Variants in PI4KA observed in about 807,000 individuals in gnomAD.
PI4KA encodes phosphatidylinositol 4-kinase alpha, also known as PI4-kinase alpha.
A neutral mutation model predicts 271.4 loss-of-function variants in PI4KA; 122 were observed. That is an observed-to-expected ratio of 0.45 (90% CI 0.39 to 0.52). The LOEUF (loss-of-function observed/expected upper bound fraction) is 0.52. Ranked by LOEUF, PI4KA falls within the 20% of genes least tolerant of loss-of-function variation. The pLI is 0.00. For synonymous variants in PI4KA, 1,041 were observed against 1,078.8 expected, an observed-to-expected ratio of 0.96 and a Z score of 0.69; for missense variants, 1,969 against 2,769.1, an observed-to-expected ratio of 0.71 and a Z score of 6.48.
chr22:20,814,226 G>C (rs770651073), intron 7 of PI4KA, among the ~76,000 whole-genome samples: 16 of 152,074 alleles, frequency 1.1e-4, no homozygotes, highest in Non-Finnish European at 1.9e-4. Flanking sequence ...GAGCAACTAA[G>C]TGAAATACAC....
At chr22:20,720,814 G>T (rs1461285207) in intron 43 of PI4KA, among the ~76,000 whole-genome samples, 1 of 152,208 alleles carries the variant, frequency 6.6e-6, no homozygotes, top group African/African-American at 2.4e-5. Context: ...ATATTAACAT[G>T]TAATGAATGG....
intron 3 of PI4KA, among the ~76,000 whole-genome samples, chr22:20,829,462 G>A (rs1340698582): frequency 6.6e-6 from 1 of 151,750 alleles, no homozygotes; most frequent in Non-Finnish European, 1.5e-5. Context: ...TGTCTCTCTG[G>A]GTTGGGTTTT....
intron 22 of PI4KA, among the ~76,000 whole-genome samples, chr22:20,763,462 C>T (rs1487136007): frequency 1.3e-5 from 2 of 148,406 alleles, no homozygotes; most frequent in South Asian, 2.1e-4. Context: ...TTTTTTGAGA[C>T]GGAGTCTCGC....
At chr22:20,827,603 T>C (rs1923588589) in intron 3 of PI4KA, among the ~76,000 whole-genome samples, 2 of 152,204 alleles carry the variant, frequency 1.3e-5, no homozygotes, top group Non-Finnish European at 2.9e-5. Context: ...ATTGGTAGTT[T>C]GATAGGAATA....
At chr22:20,846,188 C>T (rs542819100) in intron 1 of PI4KA, among the ~76,000 whole-genome samples, 1 of 143,222 alleles carries the variant, frequency 7.0e-6, no homozygotes, top group Non-Finnish European at 1.5e-5. Context: ...GGCATGAACC[C>T]GGGAGGCAGA....
At position 20,742,954 on chromosome 22, in the gene PI4KA, A is replaced by C. The variant is rs560487438; in HGVS notation, c.3457-190T>G. ...CTGATCACAGCTTTTTTTTTTTTTAAAGAACAGCTCCTCTAGAAATGCATG... is the reference window on the plus strand; with the variant it reads ...CTGATCACAGCTTTTTTTTTTTTTACAGAACAGCTCCTCTAGAAATGCATG... On this transcript the variant is annotated intron_variant, in intron 30 of 54. Transcript: ENST00000255882. 46 of 576,044 alleles carry C rather than the reference A, an allele frequency of 8.0e-5. No individual in the cohort carries two copies. The African/African-American group carries it at 8.3e-4, about 10-fold the overall frequency. 35.7% of individuals were successfully genotyped at this position (576,044 alleles called of 1,614,324 possible).
At chr22:20,758,723 T>C (rs1043455160) in intron 23 of PI4KA, among the ~76,000 whole-genome samples, 5 of 152,120 alleles carry the variant, frequency 3.3e-5, no homozygotes, top group African/African-American at 1.2e-4. Context: ...GGCATGTGTG[T>C]GAGACTCTCT....
intron 43 of PI4KA, among the ~76,000 whole-genome samples, chr22:20,720,019 C>CT (rs1764951908): frequency 9.4e-6 from 1 of 106,824 alleles, no homozygotes; most frequent in South Asian, 3.2e-4. Context: ...AATCAAGACT[C>CT]TGTCTCAAAA....
chr22:20,755,073 G>A (rs559011280), intron 23 of PI4KA, among the ~76,000 whole-genome samples: 37 of 152,332 alleles, frequency 2.4e-4, no homozygotes, highest in African/African-American at 8.4e-4. Flanking sequence ...ACAGGCATGA[G>A]CCACCGTGCC....
In PI4KA at chr22:20,785,633, T is replaced by C. The variant is rs528314030; in HGVS notation, c.2328+7560A>G. ...CTTTTTAAAAGTACACTACCAGATA[T>C]TCGACTCCTTAATTACAAAAAAAAA... On this transcript the variant is annotated intron_variant, in intron 19 of 54. Transcript: ENST00000255882. 4.6e-5 allele frequency among the ~76,000 whole-genome samples: 7 copies of C among 152,290 alleles called. No homozygotes were observed. In the South Asian group the frequency reaches 6.2e-4, roughly 14 times the overall value.
At chr22:20,725,695 G>A (rs1927263558) in intron 42 of PI4KA, 1 of 326,412 alleles carries the variant, frequency 3.1e-6, no homozygotes, top group Middle Eastern at 4.8e-4. Context: ...AGGAGTTTGA[G>A]ACCAGCCTGG....
chr22:20,721,509 AC>A, intron 42 of PI4KA, 91 bp from the exon 43 acceptor site: 2 of 1,431,420 alleles, frequency 1.4e-6, no homozygotes, highest in Non-Finnish European at 2.0e-6. Flanking sequence ...CATTTGGTAG[AC>A]CAGGCAAGGG....
intron 19 of PI4KA, chr22:20,785,902 T>C: frequency 6.7e-7 from 1 of 1,502,540 alleles, no homozygotes; most frequent in Non-Finnish European, 9.2e-7. Flanking sequence ...GCTATATCAA[T>C]TCTGTGATAA....
chr22:20,729,262 C>T lies in PI4KA; in HGVS notation c.4682+51G>A, dbSNP rs192711105. On this transcript the variant is annotated intron_variant, in intron 39 of 54. Transcript: ENST00000255882. ...CATGACCCAGCTGGCAAGCACCCTG[C>T]GCTGGACCTCTGGTGAGGCCTGTGT... The T allele has an allele frequency of 1.3e-4, 201 of 1,530,048 alleles. No individual in the cohort carries two copies. In the African/African-American group the frequency reaches 1.7e-3, roughly 13 times the overall value. 94.8% of individuals were successfully genotyped at this position (1,530,048 alleles called of 1,614,324 possible). A position where few individuals can be genotyped will look rare whatever the true frequency, so the allele number is the denominator to read the frequency against.
At chr22:20,759,706 CAGGCG>C (rs1931755936) in intron 23 of PI4KA, among the ~76,000 whole-genome samples, 2 of 152,176 alleles carry the variant, frequency 1.3e-5, no homozygotes, top group Admixed American at 1.3e-4. Context: ...GCTGGGACTA[CAGGCG>C]CAGGCCACCA....
In PI4KA at chr22:20,858,751, G is replaced by T; in HGVS notation, c.-26C>A. On this transcript the variant is annotated 5_prime_UTR_variant, in exon 1 of 55. Transcript: ENST00000255882. ...CACCTCACGAGCCGCGGCGCTGCCC[G>T]CCGGCTCCCCGCTCCTGGCCCGCGA... 7.3e-7 allele frequency: 1 copy of T among 1,366,512 alleles called. No individual in the cohort carries two copies. Among genetic ancestry groups the T allele is most frequent in the Non-Finnish European group, 9.5e-7 (1 of 1,057,970 alleles). The allele number at this position is 1,366,512 out of a possible 1,614,324, so 84.6% of individuals were successfully genotyped here.
chr22:20,823,407 A>G (rs73162826), intron 4 of PI4KA, among the ~76,000 whole-genome samples: 1 of 152,152 alleles, frequency 6.6e-6, no homozygotes, highest in African/African-American at 2.4e-5. Flanking sequence ...AAAATACATC[A>G]CTAACTGGGA....
chr22:20,760,699 C>T (rs1454676278), intron 23 of PI4KA, among the ~76,000 whole-genome samples: 1 of 152,142 alleles, frequency 6.6e-6, no homozygotes, highest in African/African-American at 2.4e-5. Context: ...TTAGCTTTGT[C>T]TTCATAGGGT....
chr22:20,714,623 C>G lies in PI4KA; in HGVS notation c.5390+5G>C. ...AGTGGGGGATGGGTAGGGTGAGGCGCCCACCTCTGCATCGGGGTCCCAGAC... is the reference window on the plus strand; with the variant it reads ...AGTGGGGGATGGGTAGGGTGAGGCGGCCACCTCTGCATCGGGGTCCCAGAC... On this transcript the variant is annotated splice_donor_5th_base_variant and intron_variant, in intron 46 of 54. Coordinates refer to ENST00000255882, the MANE Select transcript of PI4KA (RefSeq NM_058004.4). The G allele has an allele frequency of 6.2e-7, 1 of 1,613,958 alleles. No individual in the cohort carries two copies. The highest frequency in any genetic ancestry group is 8.5e-7 in the Non-Finnish European group (1 of 1,179,840).
Sources: allele counts gnomAD v4.1 joint callset (sites outside exome capture counted in the v4.1 genomes callset), GRCh38; gene constraint gnomAD v4.1.1; transcripts MANE v1.5; gene names NCBI Gene and HGNC (gene_info 2026-07-23, HGNC 2026-07-21).